ZNF639: variants seen among roughly 807,000 people sequenced by gnomAD.
ZNF639 encodes the protein zinc finger amplified in esophageal squamous cell carcinomas 1.
In ZNF639, 20 loss-of-function variants were observed where a neutral mutation model predicts 39.8. The observed-to-expected ratio is 0.50, with a 90% CI of 0.35 to 0.73. The LOEUF (loss-of-function observed/expected upper bound fraction) is 0.73. Among genes scored for constraint, ZNF639 ranks in the 30% least tolerant of loss-of-function variants. The probability of loss-of-function intolerance (pLI) is 0.00; values close to 1 mark genes in which losing one functional copy is unlikely to be tolerated. For synonymous variants in ZNF639, 176 were observed against 189.8 expected (o/e 0.93, Z 0.60); for missense variants, 477 against 566.2 (o/e 0.84, Z 1.60).
intron 4 of ZNF639, 70 bp downstream of exon 4, chr3:179,329,798 T>TG (rs1727802526): frequency 1.3e-6 from 1 of 790,438 alleles, no homozygotes; most frequent in African/African-American, 1.8e-5. Context: ...TACTTGAAAA[T>TG]GTGGGTAAAA....
In ZNF639 at chr3:179,334,387, TTAA is replaced by T; in HGVS notation, c.1427_1429del (p.Ile476del). The T allele has an allele frequency of 6.3e-7, 1 of 1,575,234 alleles. No individual in the cohort carries two copies. Among genetic ancestry groups the T allele is most frequent in the Non-Finnish European group, 8.6e-7 (1 of 1,161,816 alleles). On this transcript the variant is annotated inframe_deletion, in exon 6 of 6. Coordinates refer to ENST00000496856, the MANE Select transcript of ZNF639 (RefSeq NM_001303426.2). ...GATGAGGTTTGGAAATGAAAGGGAATTAATAAGTCACCTTCCAGTCCATGAGAC... is the reference window on the plus strand; with the variant it reads ...GATGAGGTTTGGAAATGAAAGGGAATTAAGTCACCTTCCAGTCCATGAGAC...
intron 1 of ZNF639, among the ~76,000 whole-genome samples, chr3:179,323,586 C>T (rs1448283310): frequency 6.6e-6 from 1 of 152,148 alleles, no homozygotes; most frequent in Admixed American, 6.5e-5. Context: ...TGGGCCCGGG[C>T]GAAGCTGGTG....
chr3:179,326,155 C>T (rs1194095698), intron 1 of ZNF639, among the ~76,000 whole-genome samples: 1 of 152,010 alleles, frequency 6.6e-6, no homozygotes, highest in Non-Finnish European at 1.5e-5. Context: ...ACATAGTAAA[C>T]CCCCGTCTCT....
In ZNF639 at chr3:179,336,107, TAA is replaced by T. The variant is rs1711518403; in HGVS notation, c.*1687_*1688del. 6.6e-6 allele frequency: 1 copy of T among 152,156 alleles called. No homozygotes were observed. The allele number at this position is 152,156 out of a possible 1,614,324, so 9.4% of individuals were successfully genotyped here. A position where few individuals can be genotyped will look rare whatever the true frequency, so the allele number is the denominator to read the frequency against. ...CCCCAGGCCAAATTTCTTGTTTTTA[TAA>T]AGACTCCAGTCATATTGATTGGATT... On this transcript the variant is annotated 3_prime_UTR_variant, in exon 6 of 6. Transcript: ENST00000496856.
In ZNF639 at chr3:179,335,252, C is replaced by T. The variant is rs964185077; in HGVS notation, c.*830C>T. 6.6e-6 allele frequency: 1 copy of T among 152,078 alleles called. No homozygotes were observed. Among genetic ancestry groups the T allele is most frequent in the Non-Finnish European group, 1.5e-5 (1 of 68,032 alleles). 9.4% of individuals were successfully genotyped at this position (152,078 alleles called of 1,614,324 possible). The stretch of plus-strand genomic sequence containing the variant: ...GACTACAGGCATGTGGCACCATGCC[C>T]GCTAAGTTTTTAAATTTCTTGTAGA... On this transcript the variant is annotated 3_prime_UTR_variant, in exon 6 of 6. Transcript: ENST00000496856.
chr3:179,326,381 A>G (rs866695769), intron 1 of ZNF639, among the ~76,000 whole-genome samples: 2 of 152,148 alleles, frequency 1.3e-5, no homozygotes, highest in Non-Finnish European at 2.9e-5. Flanking sequence ...ATAGATTAAT[A>G]AATAAAGTTG....
chr3:179,334,418 C>T lies in ZNF639; in HGVS notation c.1454C>T (p.Thr485Ile), dbSNP rs544107826. ...LISHLPVHETT is the reference protein window; with the variant it reads ...LISHLPVHETI ...AGTCACCTTCCAGTCCATGAGACAACTTGATTATTCTCTTTAACTTACAGA... is the reference window on the plus strand; with the variant it reads ...AGTCACCTTCCAGTCCATGAGACAATTTGATTATTCTCTTTAACTTACAGA... The change falls in exon 6 of 6, where the codon ACT becomes ATT. Residue 485 changes from threonine to isoleucine, a missense_variant. Physicochemically the swap from Thr to Ile is moderately conservative, Grantham distance 89 (BLOSUM62 -1). Transcript: ENST00000496856. 20 of 1,520,644 alleles carry T rather than the reference C, an allele frequency of 1.3e-5. No homozygotes were observed. The highest frequency in any genetic ancestry group is 1.5e-5 in the Non-Finnish European group (17 of 1,137,682). 94.2% of individuals were successfully genotyped at this position (1,520,644 alleles called of 1,614,324 possible). A position where few individuals can be genotyped will look rare whatever the true frequency, so the allele number is the denominator to read the frequency against.
intron 4 of ZNF639, among the ~76,000 whole-genome samples, 170 bp from the exon 5 acceptor site, chr3:179,332,819 A>G (rs2108505217): frequency 6.6e-6 from 1 of 152,266 alleles, no homozygotes; most frequent in South Asian, 2.1e-4. Context: ...TGCTTGTTTG[A>G]GCAGATTTTC....
chr3:179,331,503 G>T (rs1405594706), intron 4 of ZNF639, among the ~76,000 whole-genome samples: 1 of 152,216 alleles, frequency 6.6e-6, no homozygotes, highest in East Asian at 1.9e-4. Flanking sequence ...TTTAGGCCAG[G>T]TGCGGTGGCT....
At position 179,329,719 on chromosome 3, in the gene ZNF639, G is replaced by T; in HGVS notation, c.160G>T (p.Asp54Tyr). 3 of 1,582,150 alleles carry T rather than the reference G, an allele frequency of 1.9e-6. No individual in the cohort carries two copies. The South Asian group carries it at 3.4e-5, about 18-fold the overall frequency. Residue 54 changes from aspartate (D) to tyrosine (Y), a missense_variant, in exon 4 of 6, where the codon GAC (aspartate) becomes TAC (tyrosine). Asp to Tyr is a radical substitution (Grantham distance 160). Coordinates refer to ENST00000496856, the MANE Select transcript of ZNF639 (RefSeq NM_001303426.2). ...GAGACAGCCAGATTTAAAATATTTT[G>T]ACAACAAAGGTATATCTAATATTTT... ...SMRQPDLKYF[D>Y]NKDDDSDTET...
At chr3:179,328,720 G>C (rs547313250) in intron 3 of ZNF639, among the ~76,000 whole-genome samples, 55 of 151,542 alleles carry the variant, frequency 3.6e-4, no homozygotes, top group African/African-American at 1.3e-3. Context: ...GGGGAAAAAA[G>C]ACTTTATCCT....
chr3:179,324,370 T>C (rs1263899127), intron 1 of ZNF639, among the ~76,000 whole-genome samples: 1 of 152,180 alleles, frequency 6.6e-6, no homozygotes, highest in Non-Finnish European at 1.5e-5. Context: ...TTTTTCTGAT[T>C]TTTCTGCAGT....
In ZNF639 at chr3:179,333,973, G is replaced by T. The variant is rs1471594109; in HGVS notation, c.1009G>T (p.Val337Leu). Residue 337 changes from valine (V) to leucine (L), a missense_variant, in exon 6 of 6, where the codon GTA becomes TTA. Val to Leu is a conservative substitution (Grantham distance 32). Coordinates refer to ENST00000496856, the MANE Select transcript of ZNF639 (RefSeq NM_001303426.2). The stretch of plus-strand genomic sequence containing the variant: ...TCCAGAAGACTTGCATAGCCATGTG[G>T]TAAATGAGCATGCATGTAAATTAAT... ...NDPEDLHSHV[V>L]NEHACKLIEL... The T allele has an allele frequency of 6.2e-7, 1 of 1,614,106 alleles. No homozygotes were observed. Among genetic ancestry groups the T allele is most frequent in the Non-Finnish European group, 8.5e-7 (1 of 1,179,988 alleles).
At chr3:179,325,568 A>G (rs1275827377) in intron 1 of ZNF639, among the ~76,000 whole-genome samples, 1 of 152,204 alleles carries the variant, frequency 6.6e-6, no homozygotes, top group Non-Finnish European at 1.5e-5. Flanking sequence ...CATTTTGAAG[A>G]TGAAATAGAA....
At chr3:179,332,269 C>A (rs926282879) in intron 4 of ZNF639, among the ~76,000 whole-genome samples, 2 of 152,192 alleles carry the variant, frequency 1.3e-5, no homozygotes, top group African/African-American at 4.8e-5. Context: ...TCCATACTAT[C>A]CTCTCAGATT....
At position 179,329,598 on chromosome 3, in the gene ZNF639, A is replaced by G. The variant is rs1189459186; in HGVS notation, c.59-20A>G. 2.8e-6 allele frequency: 4 copies of G among 1,436,370 alleles called. No individual in the cohort carries two copies. The highest frequency in any genetic ancestry group is 1.4e-5 in the African/African-American group (1 of 71,094). The allele number at this position is 1,436,370 out of a possible 1,614,324, so 89.0% of individuals were successfully genotyped here. A position where few individuals can be genotyped will look rare whatever the true frequency, so the allele number is the denominator to read the frequency against. ...TATGTATGTTTACTGTACTTGAAAT[A>G]TTTTTCATTTTATGTTCAGATTCCT... On this transcript the variant is annotated intron_variant, in intron 3 of 5. Coordinates refer to ENST00000496856, the MANE Select transcript of ZNF639 (RefSeq NM_001303426.2).
chr3:179,329,531 G>A (rs376903185), intron 3 of ZNF639, 87 bp from the exon 4 acceptor site: 1 of 740,414 alleles, frequency 1.4e-6, no homozygotes, highest in East Asian at 2.7e-5. Context: ...TTAACATTAA[G>A]AACATTTGTA....
intron 1 of ZNF639, chr3:179,323,942 G>A (rs190131912): frequency 6.6e-6 from 1 of 152,338 alleles, no homozygotes; most frequent in Admixed American, 6.5e-5. Context: ...TTTTCGAAGA[G>A]AAAGATTTAT....
intron 4 of ZNF639, among the ~76,000 whole-genome samples, chr3:179,331,530 G>A (rs1014784486): frequency 6.6e-6 from 1 of 152,130 alleles, no homozygotes; most frequent in African/African-American, 2.4e-5. Context: ...TGTAATCCCA[G>A]CACTTTGGGA....
Sources: gnomAD v4.1 joint callset for allele counts (sites outside exome capture counted in the v4.1 genomes callset) on GRCh38, gnomAD v4.1.1 for gene constraint, MANE v1.5 for transcripts, NCBI Gene and HGNC (gene_info 2026-07-23, HGNC 2026-07-21) for gene names.